Variants in RDH10 observed in about 807,000 individuals in gnomAD.
RDH10 encodes retinol dehydrogenase 10, also known as retinol dehydrogenase 10 (all-trans).
RDH10 carries 12 observed loss-of-function variants against 30.2 expected under a neutral mutation model. The observed-to-expected ratio is 0.40, with a 90% CI of 0.25 to 0.64. RDH10 has a LOEUF of 0.64. Among genes scored for constraint, RDH10 ranks in the 30% least tolerant of loss-of-function variants. The pLI is 0.43. For synonymous variants in RDH10, 189 were observed against 172.2 expected, an observed-to-expected ratio of 1.10 and a Z score of -0.76; for missense variants, 268 against 445.2, an observed-to-expected ratio of 0.60 and a Z score of 3.58.
chr8:73,318,261 C>T (rs73330932), intron 2 of RDH10, among the ~76,000 whole-genome samples: 17 of 151,844 alleles, frequency 1.1e-4, no homozygotes, highest in African/African-American at 3.9e-4. Flanking sequence ...TGAAGGCAAG[C>T]GAGCTAGAGA....
chr8:73,295,080 A>G lies in RDH10; in HGVS notation c.-210A>G, dbSNP rs1814232924. ...GCCGCGGCGGGCACAGTCCGGGGCC[A>G]CAGCGCCGAGCCCGGGCGGGAGTGG... On this transcript the variant is annotated 5_prime_UTR_variant, in exon 1 of 6. Transcript: ENST00000240285. 1 of 348,698 alleles carries G rather than the reference A, an allele frequency of 2.9e-6. No homozygotes were observed. Among genetic ancestry groups the G allele is most frequent in the African/African-American group, 2.2e-5 (1 of 46,008 alleles). The allele number at this position is 348,698 out of a possible 1,614,324, so 21.6% of individuals were successfully genotyped here. A position where few individuals can be genotyped will look rare whatever the true frequency, so the allele number is the denominator to read the frequency against.
intron 3 of RDH10, 44 bp from the exon 4 acceptor site, chr8:73,320,888 G>T: frequency 1.2e-6 from 2 of 1,605,528 alleles, no homozygotes; most frequent in Non-Finnish European, 1.7e-6. Flanking sequence ...TTGGAGATAG[G>T]GGCATATGCT....
chr8:73,309,396 C>T (rs569591049), intron 2 of RDH10, among the ~76,000 whole-genome samples: 17 of 152,194 alleles, frequency 1.1e-4, no homozygotes, highest in African/African-American at 3.4e-4. Flanking sequence ...ATGATATTTT[C>T]GGTGGTTTAA....
chr8:73,317,040 G>A (rs924407488), intron 2 of RDH10, among the ~76,000 whole-genome samples: 5 of 152,194 alleles, frequency 3.3e-5, no homozygotes, highest in Non-Finnish European at 4.4e-5. Context: ...CACAGTGCCT[G>A]TCTCAGTGTA....
intron 2 of RDH10, among the ~76,000 whole-genome samples, chr8:73,310,141 A>T (rs1814538443): frequency 6.6e-6 from 1 of 152,238 alleles, no homozygotes. Context: ...TTTATAGGAA[A>T]GTTGCCATCT....
rs540635991 is a variant in RDH10 at position 73,296,722 on chromosome 8, G to C, written c.290-472G>C. 3.9e-5 allele frequency among the ~76,000 whole-genome samples: 6 copies of C among 152,294 alleles called. No homozygotes were observed. In the South Asian group the frequency reaches 1.0e-3, roughly 26 times the overall value. On this transcript the variant is annotated intron_variant, in intron 1 of 5. Coordinates refer to ENST00000240285, the MANE Select transcript of RDH10 (RefSeq NM_172037.5). Reference sequence around the variant, plus strand: ...CATTTCTTGGCTTTGGATGAGTTCAGATTATTAATTGCAGTTTTGATTTGT... The same window carrying C: ...CATTTCTTGGCTTTGGATGAGTTCACATTATTAATTGCAGTTTTGATTTGT...
chr8:73,302,204 G>A (rs1291447831), intron 2 of RDH10, among the ~76,000 whole-genome samples: 1 of 152,136 alleles, frequency 6.6e-6, no homozygotes, highest in East Asian at 1.9e-4. Context: ...GCTCTCCTAG[G>A]AACCTTCTCC....
intron 2 of RDH10, among the ~76,000 whole-genome samples, chr8:73,314,585 T>C (rs1252597560): frequency 6.6e-6 from 1 of 152,158 alleles, no homozygotes; most frequent in Non-Finnish European, 1.5e-5. Context: ...ATGTGGGTGC[T>C]CCTACCCCAA....
Position 73,305,030 on chromosome 8 carries a change from T to C in RDH10, c.525+7601T>C, listed in dbSNP as rs781102221. Reference sequence around the variant, plus strand: ...AGGCTTTATCCATTTTCTGCCCAAATAAAATCAATCTATAGGATATGTCAA... The same window carrying C: ...AGGCTTTATCCATTTTCTGCCCAAACAAAATCAATCTATAGGATATGTCAA... On this transcript the variant is annotated intron_variant, in intron 2 of 5. Transcript: ENST00000240285. Among the ~76,000 whole-genome samples the C allele has an allele frequency of 2.9e-4, 44 of 152,298 alleles. 2 individuals carry two copies. The highest frequency in any genetic ancestry group is 3.4e-3 in the Middle Eastern group (1 of 294).
In RDH10 at chr8:73,322,825, T is replaced by C. The variant is rs1347572265; in HGVS notation, c.902+15T>C. 1.1e-5 allele frequency: 17 copies of C among 1,613,714 alleles called. No individual in the cohort carries two copies. The highest frequency in any genetic ancestry group is 1.3e-5 in the Non-Finnish European group (15 of 1,179,966). ...TTCATGAAGAGGTAACTGGGAGGGG[T>C]TCCCTCACTGACTGGGTCTCTCCAT... is the stretch of plus-strand genomic sequence containing the variant. On this transcript the variant is annotated intron_variant, in intron 5 of 5. Transcript: ENST00000240285.
chr8:73,295,788 G>C (rs1372905360), intron 1 of RDH10: 30 of 1,039,476 alleles, frequency 2.9e-5, no homozygotes, highest in Non-Finnish European at 3.8e-5. Context: ...CCCTGTCCTC[G>C]CGGAGGTTCG....
At chr8:73,311,519 T>G (rs1327797349) in intron 2 of RDH10, 1 of 152,214 alleles carries the variant, frequency 6.6e-6, no homozygotes, top group African/African-American at 2.4e-5. Context: ...CTGGCTCTTT[T>G]ATTAGCTTCT....
intron 3 of RDH10, among the ~76,000 whole-genome samples, chr8:73,319,896 G>A (rs967401884): frequency 6.6e-5 from 10 of 152,206 alleles, no homozygotes; most frequent in African/African-American, 2.4e-4. Flanking sequence ...TATAAAGTAT[G>A]AGTATATATG....
At chr8:73,320,463 G>T (rs1474957373) in intron 3 of RDH10, among the ~76,000 whole-genome samples, 78 of 126,020 alleles carry the variant, frequency 6.2e-4, no homozygotes, top group Admixed American at 2.7e-3. Flanking sequence ...TTTTGTTTTT[G>T]TTTTTGTTTT....
At chr8:73,306,964 T>G (rs1814475225) in intron 2 of RDH10, among the ~76,000 whole-genome samples, 1 of 152,232 alleles carries the variant, frequency 6.6e-6, no homozygotes, top group African/African-American at 2.4e-5. Context: ...TTTCCCACCT[T>G]AAGTTGTAAT....
Position 73,295,236 on chromosome 8 carries a change from T to G in RDH10, c.-54T>G. 9.7e-6 allele frequency: 14 copies of G among 1,438,026 alleles called. No homozygotes were observed. Among genetic ancestry groups the G allele is most frequent in the East Asian group, 2.9e-5 (1 of 34,882 alleles). The allele number at this position is 1,438,026 out of a possible 1,614,324, so 89.1% of individuals were successfully genotyped here. On this transcript the variant is annotated 5_prime_UTR_variant, in exon 1 of 6. Coordinates refer to ENST00000240285, the MANE Select transcript of RDH10 (RefSeq NM_172037.5). ...GGAGCCGGGAGCCCGATTGCCGGGC[T>G]CGGGGTGGGCGCGGACGCAGGCACT...
rs1260667678 is a variant in RDH10, at chr8:73,324,350, T to G, written c.*1314T>G. ...TTTTGTGCCTTGAATTTGGTATATG[T>G]GTATTAGTGAAACATTGTAAAGGTG... On this transcript the variant is annotated 3_prime_UTR_variant, in exon 6 of 6. Transcript: ENST00000240285. 6.5e-6 allele frequency: 1 copy of G among 152,676 alleles called. No homozygotes were observed. The highest frequency in any genetic ancestry group is 1.5e-5 in the Non-Finnish European group (1 of 68,040). 9.5% of individuals were successfully genotyped at this position (152,676 alleles called of 1,614,324 possible).
intron 1 of RDH10, 110 bp from the exon 2 acceptor site, chr8:73,297,084 G>A (rs1218603165): frequency 7.2e-6 from 5 of 694,404 alleles, no homozygotes; most frequent in Non-Finnish European, 1.3e-5. Flanking sequence ...GAAGCTCACT[G>A]TAGTATTTTT....
intron 4 of RDH10, 184 bp from the exon 5 acceptor site, chr8:73,322,495 C>A: frequency 1.8e-6 from 1 of 560,702 alleles, no homozygotes; most frequent in Non-Finnish European, 3.1e-6. Context: ...GTTCTCCAGA[C>A]TGTGCCAATA....
Sources: gnomAD v4.1 joint callset for allele counts (sites outside exome capture counted in the v4.1 genomes callset) on GRCh38, gnomAD v4.1.1 for gene constraint, MANE v1.5 for transcripts, NCBI Gene and HGNC (gene_info 2026-07-23, HGNC 2026-07-21) for gene names.